Variants in SLC16A7 observed in about 807,000 individuals in gnomAD.
The protein encoded by SLC16A7 is monocarboxylate transporter 2.
A neutral mutation model predicts 34.9 loss-of-function variants in SLC16A7; 33 were observed. That is an observed-to-expected ratio of 0.94 (90% CI 0.72 to 1.26). SLC16A7 has a LOEUF of 1.26. SLC16A7 is among the 50% of genes most tolerant of loss of function. The pLI, the probability that SLC16A7 is intolerant of heterozygous loss-of-function variation, is 0.00. For synonymous variants in SLC16A7, 201 were observed against 206.6 expected (o/e 0.97, Z 0.23); for missense variants, 573 against 578.1 (o/e 0.99, Z 0.09).
chr12:59,701,703 C>A (rs1298920614), intron 2 of SLC16A7, among the ~76,000 whole-genome samples: 1 of 151,506 alleles, frequency 6.6e-6, no homozygotes, highest in Non-Finnish European at 1.5e-5. Context: ...GGCATAGTTT[C>A]CTGTCTGTAA....
chr12:59,639,230 C>A (rs188868629), intron 1 of SLC16A7, among the ~76,000 whole-genome samples: 1 of 152,074 alleles, frequency 6.6e-6, no homozygotes, highest in Non-Finnish European at 1.5e-5. Context: ...TCTCTCCTTA[C>A]AATGTTTTTA....
chr12:59,755,691 T>G (rs942615540), intron 3 of SLC16A7, among the ~76,000 whole-genome samples: 2 of 152,112 alleles, frequency 1.3e-5, no homozygotes, highest in African/African-American at 4.8e-5. Flanking sequence ...CCAAGGTAAT[T>G]TCTAGTTTCA....
intron 1 of SLC16A7, among the ~76,000 whole-genome samples, chr12:59,600,937 G>A (rs1878652192): frequency 6.6e-6 from 1 of 152,138 alleles, no homozygotes; most frequent in Non-Finnish European, 1.5e-5. Flanking sequence ...TGGGACAACT[G>A]AACGACAGCT....
intron 3 of SLC16A7, among the ~76,000 whole-genome samples, chr12:59,707,082 G>T (rs1490530663): frequency 6.6e-6 from 1 of 152,100 alleles, no homozygotes; most frequent in East Asian, 1.9e-4. Context: ...TGCTCCATCT[G>T]TTGGACAAAT....
At chr12:59,740,871 T>C (rs1339475776) in intron 3 of SLC16A7, among the ~76,000 whole-genome samples, 3 of 152,186 alleles carry the variant, frequency 2.0e-5, no homozygotes, top group African/African-American at 4.8e-5. Flanking sequence ...AGTCTCAGGA[T>C]ACAAAATCAA....
intron 3 of SLC16A7, among the ~76,000 whole-genome samples, chr12:59,730,087 T>G (rs984844614): frequency 7.9e-5 from 12 of 152,108 alleles, no homozygotes; most frequent in African/African-American, 2.9e-4. Flanking sequence ...ACTCAGGTTC[T>G]TCCCAAAAAT....
At chr12:59,598,536 G>C (rs1479801817) in intron 1 of SLC16A7, among the ~76,000 whole-genome samples, 1 of 152,072 alleles carries the variant, frequency 6.6e-6, no homozygotes, top group Admixed American at 6.6e-5. Context: ...CAAGTAACTT[G>C]AAAGGAACTC....
chr12:59,621,771 T>C (rs1018340119), intron 1 of SLC16A7, among the ~76,000 whole-genome samples: 1 of 151,838 alleles, frequency 6.6e-6, no homozygotes, highest in African/African-American at 2.4e-5. Context: ...AAAAATCATG[T>C]CTACGGTTTT....
chr12:59,747,861 G>T (rs948680297), intron 3 of SLC16A7, among the ~76,000 whole-genome samples: 3 of 152,092 alleles, frequency 2.0e-5, no homozygotes. Flanking sequence ...CCTCCAACAC[G>T]GATCCTACAA....
intron 2 of SLC16A7, among the ~76,000 whole-genome samples, chr12:59,663,616 T>C (rs1218804144): frequency 6.6e-6 from 1 of 152,118 alleles, no homozygotes; most frequent in South Asian, 2.1e-4. Context: ...TGCTTTTGGT[T>C]GTCAGATGTA....
chr12:59,711,875 A>C (rs550455433), intron 3 of SLC16A7, among the ~76,000 whole-genome samples: 32 of 152,278 alleles, frequency 2.1e-4, no homozygotes, highest in Middle Eastern at 3.4e-3. Flanking sequence ...GGGATCTCAA[A>C]ATGGATTATT....
chr12:59,787,353 A>C lies in SLC16A7; in HGVS notation c.*7674A>C, dbSNP rs1883697123. On this transcript the variant is annotated 3_prime_UTR_variant, in exon 6 of 6. Transcript: ENST00000547379. ...TATTAGAGTAAGTTCTATCTCAAAA[A>C]TTTCTTATTTTATGAATGTTTTCTT... 6.6e-6 allele frequency: 1 copy of C among 152,250 alleles called. No homozygotes were observed. Among genetic ancestry groups the C allele is most frequent in the East Asian group, 1.9e-4 (1 of 5,174 alleles). The allele number at this position is 152,250 out of a possible 1,614,324, so 9.4% of individuals were successfully genotyped here. A position where few individuals can be genotyped will look rare whatever the true frequency, so the allele number is the denominator to read the frequency against.
At chr12:59,767,979 A>T in intron 3 of SLC16A7, 3 of 330,290 alleles carry the variant, frequency 9.1e-6, no homozygotes, top group South Asian at 7.6e-5. Flanking sequence ...GCATTAGGAG[A>T]TATACCTAAT....
intron 2 of SLC16A7, among the ~76,000 whole-genome samples, chr12:59,694,246 T>C (rs1872010256): frequency 2.0e-5 from 3 of 151,948 alleles, no homozygotes; most frequent in Non-Finnish European, 2.9e-5. Flanking sequence ...ATAATGGTTT[T>C]TCCAAATTGA....
intron 3 of SLC16A7, chr12:59,769,046 GC>G (rs34991293): frequency 0.078 from 11,794 of 152,130 alleles, 546 homozygotes; most frequent in Middle Eastern, 0.17. Flanking sequence ...TTTAGCAACT[GC>G]CAACCCTGAT....
At chr12:59,598,937 T>A (rs1050642339) in intron 1 of SLC16A7, among the ~76,000 whole-genome samples, 1 of 152,202 alleles carries the variant, frequency 6.6e-6, no homozygotes, top group African/African-American at 2.4e-5. Context: ...TTGAGGTGGA[T>A]CTGTCCATAT....
Position 59,693,580 on chromosome 12 carries a change from TGATATTATA to T in SLC16A7, c.-30-11191_-30-11183del, listed in dbSNP as rs569242788. 1.7e-3 allele frequency among the ~76,000 whole-genome samples: 265 copies of T among 152,018 alleles called. 1 individual carries two copies. The highest frequency in any genetic ancestry group is 5.7e-3 in the African/African-American group (237 of 41,518). On this transcript the variant is annotated intron_variant, in intron 2 of 5. Transcript: ENST00000547379. ...ACCTGAAGGTCACTCTTGTAAACAGTGATATTATATTGGAGCCTATACACTCAAAAACAT... is the reference window on the plus strand; with the variant it reads ...ACCTGAAGGTCACTCTTGTAAACAGTTTGGAGCCTATACACTCAAAAACAT...
intron 1 of SLC16A7, among the ~76,000 whole-genome samples, chr12:59,620,696 A>G (rs1045095449): frequency 1.3e-5 from 2 of 151,882 alleles, no homozygotes; most frequent in Non-Finnish European, 2.9e-5. Flanking sequence ...CCTGTGTAGC[A>G]GAGGAGGAAG....
intron 2 of SLC16A7, among the ~76,000 whole-genome samples, chr12:59,687,248 G>A (rs1442630652): frequency 6.6e-6 from 1 of 151,834 alleles, no homozygotes; most frequent in Non-Finnish European, 1.5e-5. Flanking sequence ...TTTCAATCCT[G>A]CAAGTCCTGT....
Sources: allele counts gnomAD v4.1 joint callset (sites outside exome capture counted in the v4.1 genomes callset), GRCh38; gene constraint gnomAD v4.1.1; transcripts MANE v1.5; gene names NCBI Gene and HGNC (gene_info 2026-07-23, HGNC 2026-07-21).